ATXN7L1: variants seen among roughly 807,000 people sequenced by gnomAD.
The protein encoded by ATXN7L1 is ataxin-7-like protein 1.
In ATXN7L1, 15 loss-of-function variants were observed where a neutral mutation model predicts 70.8. That is an observed-to-expected ratio of 0.21 (90% CI 0.14 to 0.33). ATXN7L1 has a LOEUF of 0.33. ATXN7L1 is among the 10% of genes least tolerant of loss of function. ATXN7L1 has a pLI of 1.00. For missense variants in ATXN7L1, 975 were observed against 1,097.1 expected, an observed-to-expected ratio of 0.89 and a Z score of 1.57; for synonymous variants, 440 against 445.1, an observed-to-expected ratio of 0.99 and a Z score of 0.14.
intron 2 of ATXN7L1, among the ~76,000 whole-genome samples, chr7:105,835,430 C>A (rs1812236976): frequency 9.8e-6 from 1 of 102,102 alleles, no homozygotes; most frequent in African/African-American, 3.3e-5. Flanking sequence ...GTTGGGATTA[C>A]AGGCGTGAGC....
intron 2 of ATXN7L1, among the ~76,000 whole-genome samples, chr7:105,798,330 C>T (rs71564737): frequency 0.19 from 28,564 of 152,188 alleles, 3,319 homozygotes; most frequent in South Asian, 0.41. Flanking sequence ...TCTCTCTGGT[C>T]CCATTTTCTA....
intron 2 of ATXN7L1, among the ~76,000 whole-genome samples, chr7:105,791,864 AAAC>A (rs1805299609): frequency 1.3e-5 from 2 of 152,214 alleles, no homozygotes; most frequent in African/African-American, 4.8e-5. Flanking sequence ...TTAAAAATTA[AAAC>A]AACAACAGCA....
At chr7:105,678,648 A>G (rs550463832) in intron 3 of ATXN7L1, among the ~76,000 whole-genome samples, 3 of 152,348 alleles carry the variant, frequency 2.0e-5, no homozygotes, top group Middle Eastern at 3.4e-3. Context: ...TGAGTAGATA[A>G]TACACGGACA....
intron 11 of ATXN7L1, 22 bp downstream of exon 11, chr7:105,610,507 A>G: frequency 1.6e-4 from 180 of 1,155,934 alleles, no homozygotes; most frequent in Non-Finnish European, 1.9e-4. Flanking sequence ...TTTTTGCCCC[A>G]CCCCCACCCT....
chr7:105,782,683 G>A (rs971421147), intron 3 of ATXN7L1, among the ~76,000 whole-genome samples: 1 of 152,238 alleles, frequency 6.6e-6, no homozygotes. Flanking sequence ...GGAACGCAGA[G>A]AGATACTGGA....
rs1156928734 is a variant in ATXN7L1, at chr7:105,876,381, C to A, written c.178G>T (p.Asp60Tyr). 1.2e-6 allele frequency: 2 copies of A among 1,603,956 alleles called. No individual in the cohort carries two copies. The highest frequency in any genetic ancestry group is 8.5e-7 in the Non-Finnish European group (1 of 1,174,818). ...WIDAAKLHCS[D>Y]NVDLEEAGKE... ...GAGGAGGTGGTGGGGTTCTTACTGT[C>A]GGAGCAGTGTAATTTGGCGGCGTCG... is the stretch of plus-strand genomic sequence containing the variant. Residue 60 changes from aspartate to tyrosine, a missense_variant, in exon 1 of 12, where the codon GAC (aspartate) becomes TAC (tyrosine). Around this residue, in one of 5 missense-constraint regions of ATXN7L1, gnomAD observed 135 missense variants for 132.6 expected, o/e 1.02. Transcript: ENST00000419735.
intron 4 of ATXN7L1, among the ~76,000 whole-genome samples, chr7:105,652,572 C>A (rs971430734): frequency 1.3e-5 from 2 of 152,224 alleles, no homozygotes; most frequent in Non-Finnish European, 2.9e-5. Context: ...GAGCTGTAGG[C>A]TGCTCTGCAG....
At chr7:105,805,003 T>G (rs1807350329) in intron 2 of ATXN7L1, among the ~76,000 whole-genome samples, 1 of 152,144 alleles carries the variant, frequency 6.6e-6, no homozygotes, top group African/African-American at 2.4e-5. Flanking sequence ...GGCGTAGCAT[T>G]TACCAAATGT....
rs1792779975 is a variant in ATXN7L1, at chr7:105,606,737, GTGTGC to G, written c.*1110_*1114del. ...TAAGACAGCAAAAGCTGATCCATGGGTGTGCTGATCCCACCAAGTCCCTGTGGCCC... is the reference window on the plus strand; with the variant it reads ...TAAGACAGCAAAAGCTGATCCATGGGTGATCCCACCAAGTCCCTGTGGCCC... On this transcript the variant is annotated 3_prime_UTR_variant, in exon 12 of 12. Transcript: ENST00000419735. 1 of 152,260 alleles carries G rather than the reference GTGTGC, an allele frequency of 6.6e-6. No homozygotes were observed. The highest frequency in any genetic ancestry group is 2.4e-5 in the African/African-American group (1 of 41,450). 9.4% of individuals were successfully genotyped at this position (152,260 alleles called of 1,614,324 possible).
At chr7:105,632,921 T>TAA (rs11417434) in intron 7 of ATXN7L1, among the ~76,000 whole-genome samples, 7,671 of 59,998 alleles carry the variant, frequency 0.13, 1,273 homozygotes, top group Non-Finnish European at 0.15. Context: ...ATCTTGTCTT[T>TAA]AAAAAAAAAA....
intron 3 of ATXN7L1, among the ~76,000 whole-genome samples, chr7:105,771,607 G>A (rs1174021616): frequency 6.6e-6 from 1 of 152,148 alleles, no homozygotes; most frequent in Non-Finnish European, 1.5e-5. Context: ...AAATTAATCA[G>A]GGTGCCTCTA....
At chr7:105,769,766 A>T (rs931975516) in intron 3 of ATXN7L1, among the ~76,000 whole-genome samples, 14 of 152,022 alleles carry the variant, frequency 9.2e-5, no homozygotes, top group African/African-American at 3.4e-4. Flanking sequence ...ATCCCTAGGG[A>T]TTTATAGCCT....
chr7:105,621,926 T>C (rs1210781479), intron 8 of ATXN7L1, among the ~76,000 whole-genome samples: 10 of 152,160 alleles, frequency 6.6e-5, no homozygotes. Flanking sequence ...TTATCACCCA[T>C]CAAATCTGGT....
chr7:105,630,457 T>G (rs1796420815), intron 7 of ATXN7L1, among the ~76,000 whole-genome samples: 1 of 152,190 alleles, frequency 6.6e-6, no homozygotes, highest in Non-Finnish European at 1.5e-5. Flanking sequence ...ATGAGAAATT[T>G]TTTAAAAAAT....
intron 3 of ATXN7L1, among the ~76,000 whole-genome samples, chr7:105,669,801 C>T (rs1803249622): frequency 6.6e-6 from 1 of 151,920 alleles, no homozygotes; most frequent in South Asian, 2.1e-4. Flanking sequence ...TGCCTGTAAT[C>T]CCAGCTACTC....
Position 105,875,850 on chromosome 7 carries a change from C to T in ATXN7L1, c.212G>A (p.Gly71Asp). ...CCTCATAACCTCCCTGCTTTTTCCA[C>T]CCTCTTTTCCAGCCTCTTCTAAATC... ...NVDLEEAGKE[G>D]GKSREVMRLN... The change falls in exon 2 of 12, where the codon GGT (glycine) becomes GAT (aspartate). Residue 71 changes from glycine (G) to aspartate (D), a missense_variant. This residue lies in a region of ATXN7L1 where 135 missense variants were observed against 132.6 expected (regional missense o/e 1.02). Transcript: ENST00000419735. The T allele has an allele frequency of 6.2e-7, 1 of 1,613,786 alleles. No individual in the cohort carries two copies. Among genetic ancestry groups the T allele is most frequent in the South Asian group, 1.1e-5 (1 of 91,050 alleles).
intron 3 of ATXN7L1, among the ~76,000 whole-genome samples, chr7:105,776,678 A>AT (rs1300796417): frequency 6.6e-6 from 1 of 152,104 alleles, no homozygotes; most frequent in Admixed American, 6.5e-5. Context: ...GCCACCATAT[A>AT]TGCTAATATT....
At chr7:105,868,047 T>C (rs1817730316) in intron 2 of ATXN7L1, among the ~76,000 whole-genome samples, 1 of 152,232 alleles carries the variant, frequency 6.6e-6, no homozygotes, top group South Asian at 2.1e-4. Flanking sequence ...GAGGACTTTT[T>C]AGGTTCAGAA....
chr7:105,837,092 G>A (rs1812499754), intron 2 of ATXN7L1, among the ~76,000 whole-genome samples: 1 of 152,060 alleles, frequency 6.6e-6, no homozygotes, highest in Non-Finnish European at 1.5e-5. Context: ...GGGGGGAGGT[G>A]CCACACACTT....
Sources: allele counts gnomAD v4.1 joint callset (sites outside exome capture counted in the v4.1 genomes callset), GRCh38; gene constraint gnomAD v4.1.1; regional missense constraint gnomAD v4.1.1; transcripts MANE v1.5; gene names NCBI Gene and HGNC (gene_info 2026-07-23, HGNC 2026-07-21).